Variants in NPAS3 observed in about 807,000 individuals in gnomAD.
The protein encoded by NPAS3 is neuronal PAS domain-containing protein 3.
A neutral mutation model predicts 73.1 loss-of-function variants in NPAS3; 14 were observed. The ratio of observed to expected loss-of-function variants is 0.19; its 90% CI spans 0.13 to 0.30. The LOEUF (loss-of-function observed/expected upper bound fraction) is 0.30, where lower values mean the gene tolerates loss of function less well. Among genes scored for constraint, NPAS3 ranks in the 10% least tolerant of loss-of-function variants. NPAS3 has a pLI of 1.00. For synonymous variants in NPAS3, 620 were observed against 541.5 expected (o/e 1.14, Z -2.01); for missense variants, 1,096 against 1,250.0 (o/e 0.88, Z 1.86).
chr14:33,535,795 ATTAGT>A (rs1485971160), intron 4 of NPAS3, among the ~76,000 whole-genome samples: 1 of 152,164 alleles, frequency 6.6e-6, no homozygotes, highest in African/African-American at 2.4e-5. Context: ...TTTTATACTT[ATTAGT>A]TTTGTTAGTA....
At chr14:33,289,128 G>C (rs1176228640) in intron 3 of NPAS3, among the ~76,000 whole-genome samples, 7 of 152,118 alleles carry the variant, frequency 4.6e-5, no homozygotes, top group African/African-American at 1.7e-4. Context: ...ACACAGATTA[G>C]TGTACTTAAT....
At chr14:33,617,137 A>C (rs1310019772) in intron 5 of NPAS3, among the ~76,000 whole-genome samples, 2 of 152,218 alleles carry the variant, frequency 1.3e-5, no homozygotes, top group Admixed American at 6.5e-5. Flanking sequence ...CAAGGCTTTT[A>C]GGAATAGCCT....
intron 1 of NPAS3, among the ~76,000 whole-genome samples, chr14:32,995,880 G>A (rs2038549429): frequency 6.6e-6 from 1 of 152,192 alleles, no homozygotes; most frequent in African/African-American, 2.4e-5. Context: ...GTAGAGTGGG[G>A]TGTTGCTGAA....
intron 2 of NPAS3, among the ~76,000 whole-genome samples, chr14:33,095,657 C>CTTTTTTTTTTTTTTTTTTTTTTTTTT (rs201283993): frequency 1.0e-5 from 1 of 97,656 alleles, no homozygotes; most frequent in Admixed American, 1.2e-4. Context: ...GCATTCTCTG[C>CTTTTTTTTTTTTTTTTTTTTTTTTTT]TTTTATTTTT....
At chr14:33,344,860 G>A (rs928078274) in intron 3 of NPAS3, among the ~76,000 whole-genome samples, 2 of 152,150 alleles carry the variant, frequency 1.3e-5, no homozygotes, top group Admixed American at 1.3e-4. Context: ...AAAGCCAGAA[G>A]GAGAGAAGGA....
intron 4 of NPAS3, among the ~76,000 whole-genome samples, chr14:33,539,170 C>T (rs1437135928): frequency 6.6e-6 from 1 of 151,928 alleles, no homozygotes; most frequent in Non-Finnish European, 1.5e-5. Context: ...TGTGCATGGG[C>T]TGAGCCAGAT....
intron 1 of NPAS3, among the ~76,000 whole-genome samples, chr14:32,996,352 G>T (rs1405375733): frequency 6.6e-6 from 1 of 152,182 alleles, no homozygotes; most frequent in African/African-American, 2.4e-5. Context: ...CATTTTCTGA[G>T]GAGAAATTCA....
chr14:33,528,405 T>C (rs1482858892), intron 4 of NPAS3, among the ~76,000 whole-genome samples: 1 of 151,560 alleles, frequency 6.6e-6, no homozygotes, highest in African/African-American at 2.4e-5. Flanking sequence ...GCTCACAATC[T>C]AGTGGGAAAT....
In NPAS3 at chr14:33,800,849, G is replaced by T; in HGVS notation, c.2542G>T (p.Ala848Ser). 1 of 1,604,772 alleles carries T rather than the reference G, an allele frequency of 6.2e-7. No individual in the cohort carries two copies. The highest frequency in any genetic ancestry group is 8.5e-7 in the Non-Finnish European group (1 of 1,176,192). ...CATGCAGAGCAACCTGCTGCCCAACGCGCACGCTGTTAACTTCGTGGACGT... is the reference window on the plus strand; with the variant it reads ...CATGCAGAGCAACCTGCTGCCCAACTCGCACGCTGTTAACTTCGTGGACGT... Residue 848 changes from alanine to serine, a missense_variant, in exon 12 of 12, where the codon GCG (alanine) becomes TCG (serine). By Grantham distance (99) the Ala-to-Ser change is moderately conservative. Coordinates refer to ENST00000356141, the Ensembl canonical transcript of NPAS3. The surrounding 1 kb of genome is among the most constrained non-coding windows in gnomAD (Gnocchi z 6.5).
chr14:33,533,867 A>G (rs868810576), intron 4 of NPAS3, among the ~76,000 whole-genome samples: 4 of 152,118 alleles, frequency 2.6e-5, no homozygotes, highest in Non-Finnish European at 2.9e-5. Context: ...TACATATCAC[A>G]TGTCATATAC....
At chr14:33,239,483 T>C (rs924495045) in intron 3 of NPAS3, among the ~76,000 whole-genome samples, 3 of 151,870 alleles carry the variant, frequency 2.0e-5, no homozygotes, top group African/African-American at 7.2e-5. Context: ...TTTGACTCAT[T>C]AAGGCAACTC....
At chr14:33,116,927 G>C (rs2043083852) in intron 2 of NPAS3, among the ~76,000 whole-genome samples, 1 of 152,058 alleles carries the variant, frequency 6.6e-6, no homozygotes, top group Non-Finnish European at 1.5e-5. Context: ...TAGGACCTGT[G>C]GCCAAAGTAT....
intron 1 of NPAS3, among the ~76,000 whole-genome samples, chr14:33,036,095 C>T (rs1286509996): frequency 6.6e-6 from 1 of 152,144 alleles, no homozygotes; most frequent in African/African-American, 2.4e-5. Flanking sequence ...TATGCCACAG[C>T]CATATTCTTC....
rs2045722491 is a variant in NPAS3, at chr14:33,363,951, G to GTGTGT, written c.386-3234_386-3230dup. Among the ~76,000 whole-genome samples the GTGTGT allele has an allele frequency of 4.2e-5, 6 of 142,902 alleles. No homozygotes were observed. The East Asian group carries it at 8.6e-4, about 21-fold the overall frequency. 93.7% of individuals were successfully genotyped at this position (142,902 alleles called of 152,430 possible). The stretch of plus-strand genomic sequence containing the variant: ...GTGTGTGTGTGTGTGTGTGTGTGTT[G>GTGTGT]TGTGTGTGTGTATAGGTTAATTTTG... On this transcript the variant is annotated intron_variant, in intron 3 of 11. Coordinates refer to ENST00000356141, the Ensembl canonical transcript of NPAS3.
chr14:33,076,885 T>C (rs1401369727), intron 2 of NPAS3, among the ~76,000 whole-genome samples: 1 of 152,234 alleles, frequency 6.6e-6, no homozygotes, highest in South Asian at 2.1e-4. Flanking sequence ...CTATTTTTGG[T>C]GTGTGATATT....
chr14:33,700,619 G>A (rs955646191), intron 6 of NPAS3, among the ~76,000 whole-genome samples: 5 of 152,104 alleles, frequency 3.3e-5, no homozygotes, highest in East Asian at 1.9e-4. Flanking sequence ...GATTTTATTC[G>A]TTCTTTGATT....
At position 33,554,162 on chromosome 14, in the gene NPAS3, C is replaced by T. The variant is rs569977939; in HGVS notation, c.469-5959C>T. Among the ~76,000 whole-genome samples the T allele has an allele frequency of 1.8e-4, 27 of 152,308 alleles. No homozygotes were observed. In the South Asian group the frequency reaches 3.5e-3, roughly 20 times the overall value. Reference sequence around the variant, plus strand: ...CTTCCCAAGGCTAACCCATTGCTTACGGAATGGAGGCAGTTTTCTCACAGA... The same window carrying T: ...CTTCCCAAGGCTAACCCATTGCTTATGGAATGGAGGCAGTTTTCTCACAGA... On this transcript the variant is annotated intron_variant, in intron 4 of 11. Transcript: ENST00000356141.
chr14:33,217,222 C>A (rs2047258075), intron 3 of NPAS3, among the ~76,000 whole-genome samples: 1 of 152,076 alleles, frequency 6.6e-6, no homozygotes, highest in Non-Finnish European at 1.5e-5. Flanking sequence ...CCCCATGATC[C>A]AGTCACCTCC....
At chr14:33,517,012 T>C (rs1310212303) in intron 4 of NPAS3, among the ~76,000 whole-genome samples, 1 of 152,042 alleles carries the variant, frequency 6.6e-6, no homozygotes, top group African/African-American at 2.4e-5. Context: ...GAACAGGCTG[T>C]ATATAAAGGA....
Sources: gnomAD v4.1 joint callset for allele counts (sites outside exome capture counted in the v4.1 genomes callset) on GRCh38, gnomAD v4.1.1 for gene constraint, Gnocchi (gnomAD v3.1) non-coding constraint, MANE v1.5 for transcripts, NCBI Gene and HGNC (gene_info 2026-07-23, HGNC 2026-07-21) for gene names.